The following BIRC6 variants were observed in gnomAD, a reference collection of about 807,000 sequenced individuals.
The protein encoded by BIRC6 is baculoviral IAP repeat containing 6.
A neutral mutation model predicts 503.3 loss-of-function variants in BIRC6; 98 were observed. The ratio of observed to expected loss-of-function variants is 0.19; its 90% CI spans 0.17 to 0.23. The LOEUF is 0.23. Ranked by LOEUF, BIRC6 falls within the 10% of genes least tolerant of loss-of-function variation. The pLI, the probability that BIRC6 is intolerant of heterozygous loss-of-function variation, is 1.00. For missense variants in BIRC6, 5,360 were observed against 5,806.0 expected (o/e 0.92, Z 2.50); for synonymous variants, 2,240 against 2,078.7 (o/e 1.08, Z -2.11).
intron 3 of BIRC6, among the ~76,000 whole-genome samples, chr2:32,386,923 T>C (rs1326360508): frequency 2.0e-5 from 3 of 152,160 alleles, no homozygotes; most frequent in African/African-American, 4.8e-5. Flanking sequence ...CTGTTTTATA[T>C]TATGCATTCA....
At chr2:32,510,455 C>G in intron 52 of BIRC6, 71 bp from the exon 53 acceptor site, 2 of 873,910 alleles carry the variant, frequency 2.3e-6, no homozygotes, top group Non-Finnish European at 3.8e-6. Flanking sequence ...TAACTTAATT[C>G]AATTAAGTAA....
intron 32 of BIRC6, among the ~76,000 whole-genome samples, chr2:32,472,651 G>A (rs2049234365): frequency 6.6e-6 from 1 of 152,110 alleles, no homozygotes; most frequent in Non-Finnish European, 1.5e-5. Context: ...TTCCAAAAAA[G>A]GAGAGTAAGT....
Position 32,593,940 on chromosome 2 carries a change from G to C in BIRC6, c.13381G>C (p.Gly4461Arg). 6.2e-7 allele frequency: 1 copy of C among 1,612,210 alleles called. No homozygotes were observed. Among genetic ancestry groups the C allele is most frequent in the East Asian group, 2.2e-5 (1 of 44,812 alleles). The change falls in exon 67 of 74, where the codon GGA becomes CGA. Residue 4461 changes from glycine to arginine, a missense_variant. Physicochemically the swap from Gly to Arg is moderately radical, Grantham distance 125. Transcript: ENST00000421745. ...ATCTAAAAGGGAAAATGTTAAAACA[G>C]GAGTAAAACCAGATGCGTCTGATCA... is the stretch of plus-strand genomic sequence containing the variant. ...LRSKRENVKT[G>R]VKPDASDQEP...
At chr2:32,406,331 C>A (rs1022697052) in intron 8 of BIRC6, among the ~76,000 whole-genome samples, 168 bp from the exon 9 acceptor site, 1 of 152,032 alleles carries the variant, frequency 6.6e-6, no homozygotes, top group African/African-American at 2.4e-5. Flanking sequence ...AGGAGGAGGT[C>A]AGGGCTGCAG....
At chr2:32,506,658 A>G (rs2053831146) in intron 50 of BIRC6, among the ~76,000 whole-genome samples, 1 of 152,246 alleles carries the variant, frequency 6.6e-6, no homozygotes, top group African/African-American at 2.4e-5. Context: ...TGAAAAATTA[A>G]TTGGTTTAGG....
intron 28 of BIRC6, 36 bp from the exon 29 acceptor site, chr2:32,468,401 A>G: frequency 6.8e-7 from 1 of 1,462,304 alleles, no homozygotes; most frequent in Non-Finnish European, 9.3e-7. Context: ...AGAGGACATT[A>G]CAAGAATTAT....
rs758024951 is a variant in BIRC6, at chr2:32,515,644, T to A, written c.11223T>A (p.Ala3741=). The A allele has an allele frequency of 6.2e-7, 1 of 1,611,732 alleles. No homozygotes were observed. Among genetic ancestry groups the A allele is most frequent in the South Asian group, 1.1e-5 (1 of 91,086 alleles). ...LGAQQTSARS[A]SLSSAATTGL... Reference sequence around the variant, plus strand: ...CACAACAGACCAGTGCAAGATCAGCTTCTCTTTCTTCAGCTGCTACAACAG... The same window carrying A: ...CACAACAGACCAGTGCAAGATCAGCATCTCTTTCTTCAGCTGCTACAACAG... The change falls in exon 55 of 74, where the codon GCT becomes GCA. Residue 3741 remains alanine (A), a synonymous_variant. Coordinates refer to ENST00000421745, the MANE Select transcript of BIRC6 (RefSeq NM_016252.4).
intron 65 of BIRC6, among the ~76,000 whole-genome samples, chr2:32,558,053 T>C (rs1203179738): frequency 5.3e-5 from 8 of 152,200 alleles, no homozygotes; most frequent in Non-Finnish European, 1.5e-5. Flanking sequence ...TAAATGTATT[T>C]ATTATACATG....
chr2:32,448,717 C>A, intron 21 of BIRC6, 78 bp from the exon 22 acceptor site: 2 of 1,396,304 alleles, frequency 1.4e-6, no homozygotes, highest in Non-Finnish European at 2.0e-6. Context: ...AGTCAGACTG[C>A]TTTTAAAACT....
chr2:32,416,996 C>T (rs983378353), intron 10 of BIRC6, among the ~76,000 whole-genome samples: 4 of 151,156 alleles, frequency 2.6e-5, no homozygotes, highest in East Asian at 3.9e-4. Flanking sequence ...GCACCATGCC[C>T]GGCTAATTTT....
chr2:32,556,947 A>AAAAGAAAG (rs56778828), intron 65 of BIRC6, among the ~76,000 whole-genome samples: 1 of 151,776 alleles, frequency 6.6e-6, no homozygotes, highest in Non-Finnish European at 1.5e-5. Context: ...TCAAAAAACA[A>AAAAGAAAG]AAAGAAAGAA....
At chr2:32,516,494 C>T (rs994319445) in intron 55 of BIRC6, among the ~76,000 whole-genome samples, 16 of 135,446 alleles carry the variant, frequency 1.2e-4, no homozygotes, top group African/African-American at 2.5e-4. Flanking sequence ...CCAGCCTGGG[C>T]GACAAAGCGA....
intron 54 of BIRC6, among the ~76,000 whole-genome samples, chr2:32,513,969 G>A (rs1262813454): frequency 6.7e-6 from 1 of 150,020 alleles, no homozygotes; most frequent in African/African-American, 2.5e-5. Context: ...TACTTGGGAG[G>A]CTGAGGCGCA....
At chr2:32,424,920 A>T (rs143421502) in intron 10 of BIRC6, among the ~76,000 whole-genome samples, 315 of 152,274 alleles carry the variant, frequency 2.1e-3, no homozygotes, top group African/African-American at 7.2e-3. Context: ...ATCCTGGCCA[A>T]CATTTGTTAT....
intron 5 of BIRC6, 62 bp from the exon 6 acceptor site, chr2:32,395,449 T>C (rs1488168523): frequency 7.9e-7 from 1 of 1,273,048 alleles, no homozygotes; most frequent in Non-Finnish European, 1.1e-6. Flanking sequence ...AAATAACTTT[T>C]ATTATAAAGC....
intron 1 of BIRC6, among the ~76,000 whole-genome samples, chr2:32,368,049 C>G (rs1035251980): frequency 6.6e-6 from 1 of 152,154 alleles, no homozygotes; most frequent in Non-Finnish European, 1.5e-5. Context: ...AGACAGAAGA[C>G]TGGGAGATGG....
chr2:32,451,947 A>G (rs1443238845), intron 22 of BIRC6, among the ~76,000 whole-genome samples: 1 of 152,190 alleles, frequency 6.6e-6, no homozygotes, highest in African/African-American at 2.4e-5. Flanking sequence ...TTTCCAAATG[A>G]TCAATGCATG....
chr2:32,381,597 G>A (rs1375247933), intron 3 of BIRC6, among the ~76,000 whole-genome samples: 2 of 149,008 alleles, frequency 1.3e-5, no homozygotes, highest in Non-Finnish European at 3.0e-5. Flanking sequence ...CTAGGCTGGA[G>A]TGCAGTGGTG....
rs1167244693 is a variant in BIRC6, at chr2:32,562,041, TA to T, written c.13144+12569del. Among the ~76,000 whole-genome samples the T allele has an allele frequency of 8.0e-5, 12 of 150,906 alleles. 1 individual carries two copies. In the East Asian group the frequency reaches 2.1e-3, roughly 27 times the overall value. The stretch of plus-strand genomic sequence containing the variant: ...TGAGTGACAGAGTGAGACTCCAACT[TA>T]AAAAAAAATAAAATTATTATTATTT... On this transcript the variant is annotated intron_variant, in intron 65 of 73. Transcript: ENST00000421745.
Sources: gnomAD v4.1 joint callset for allele counts (sites outside exome capture counted in the v4.1 genomes callset) on GRCh38, gnomAD v4.1.1 for gene constraint, MANE v1.5 for transcripts, NCBI Gene and HGNC (gene_info 2026-07-23, HGNC 2026-07-21) for gene names.